TNR: variants seen among roughly 807,000 people sequenced by gnomAD.
TNR encodes the protein tenascin R.
A neutral mutation model predicts 150.4 loss-of-function variants in TNR; 45 were observed. The ratio of observed to expected loss-of-function variants is 0.30; its 90% CI spans 0.24 to 0.38. The LOEUF is 0.38. Ranked by LOEUF, TNR falls within the 10% of genes least tolerant of loss-of-function variation. TNR has a pLI of 1.00. For missense variants in TNR, 1,544 were observed against 1,759.1 expected, an observed-to-expected ratio of 0.88 and a Z score of 2.19; for synonymous variants, 687 against 678.4, an observed-to-expected ratio of 1.01 and a Z score of -0.20.
rs61240008 is a variant in TNR at position 175,674,440 on chromosome 1, C to G, written c.-165+68786G>C. 2.2e-3 allele frequency among the ~76,000 whole-genome samples: 335 copies of G among 152,320 alleles called. 3 individuals are homozygous for G. The highest frequency in any genetic ancestry group is 7.6e-3 in the African/African-American group (315 of 41,572). On this transcript the variant is annotated intron_variant, in intron 1 of 22. Coordinates refer to ENST00000367674, the MANE Select transcript of TNR (RefSeq NM_003285.3). ...ATATTTGAGCTGAAAAGCCTCCCACCAGGCTTAAGCTGTCAATCTTGCCCT... is the reference window on the plus strand; with the variant it reads ...ATATTTGAGCTGAAAAGCCTCCCACGAGGCTTAAGCTGTCAATCTTGCCCT...
chr1:175,332,039 T>C (rs1649962236), intron 20 of TNR, among the ~76,000 whole-genome samples: 1 of 152,212 alleles, frequency 6.6e-6, no homozygotes. Flanking sequence ...GATGCTGATG[T>C]TGTTCTGCTG....
chr1:175,396,989 C>T (rs970620038), intron 4 of TNR, among the ~76,000 whole-genome samples, 182 bp from the exon 5 acceptor site: 1 of 152,156 alleles, frequency 6.6e-6, no homozygotes, highest in Non-Finnish European at 1.5e-5. Context: ...GTGCTTAGTA[C>T]CCCAATCTCT....
intron 1 of TNR, among the ~76,000 whole-genome samples, chr1:175,706,791 G>T (rs1445357194): frequency 6.6e-6 from 1 of 152,004 alleles, no homozygotes; most frequent in East Asian, 1.9e-4. Context: ...AATAAGCCAA[G>T]AGGAGAGATA....
rs749598914 is a variant in TNR at position 175,406,700 on chromosome 1, C to T, written c.15G>A (p.Gly5=). The change falls in exon 3 of 23, where the codon GGG becomes GGA. Residue 5 remains glycine (G), a synonymous_variant. Coordinates refer to ENST00000367674, the MANE Select transcript of TNR (RefSeq NM_003285.3). Reference sequence around the variant, plus strand: ...GCATGTTCTTCAGAACCACTGTTTCCCCATCTGCCCCCATCCTCTCAGCCA... The same window carrying T: ...GCATGTTCTTCAGAACCACTGTTTCTCCATCTGCCCCCATCCTCTCAGCCA... The part of the protein sequence containing the change: MGAD[G]ETVVLKNMLI... The T allele has an allele frequency of 6.2e-7, 1 of 1,613,732 alleles. No individual in the cohort carries two copies. Among genetic ancestry groups the T allele is most frequent in the East Asian group, 2.2e-5 (1 of 44,884 alleles).
At chr1:175,394,522 C>A (rs1387701941) in intron 5 of TNR, among the ~76,000 whole-genome samples, 2 of 152,178 alleles carry the variant, frequency 1.3e-5, no homozygotes, top group Non-Finnish European at 2.9e-5. Context: ...TCCCACCACC[C>A]CTTCTCCCCC....
chr1:175,734,162 A>C (rs547860001), intron 1 of TNR, among the ~76,000 whole-genome samples: 9 of 152,278 alleles, frequency 5.9e-5, no homozygotes, highest in African/African-American at 2.2e-4. Context: ...ATGTATGTCA[A>C]CATATATTGA....
At chr1:175,555,230 A>G (rs952403473) in intron 1 of TNR, among the ~76,000 whole-genome samples, 4 of 152,116 alleles carry the variant, frequency 2.6e-5, no homozygotes, top group Non-Finnish European at 4.4e-5. Flanking sequence ...CACCCCCTAT[A>G]GATACATACA....
At chr1:175,397,264 T>A (rs1299469163) in intron 4 of TNR, among the ~76,000 whole-genome samples, 1 of 152,248 alleles carries the variant, frequency 6.6e-6, no homozygotes, top group African/African-American at 2.4e-5. Flanking sequence ...AAATATTCTA[T>A]GATTGTACTC....
rs1222482686 is a variant in TNR at position 175,317,297 on chromosome 1, G to C, written c.*6060C>G. 6.6e-6 allele frequency: 1 copy of C among 152,204 alleles called. No homozygotes were observed. Among genetic ancestry groups the C allele is most frequent in the Non-Finnish European group, 1.5e-5 (1 of 68,038 alleles). 9.4% of individuals were successfully genotyped at this position (152,204 alleles called of 1,614,324 possible). On this transcript the variant is annotated 3_prime_UTR_variant, in exon 23 of 23. Transcript: ENST00000367674. The stretch of plus-strand genomic sequence containing the variant: ...TGTTACTAATTGCCTGTGTGAATGT[G>C]AGCAAATTGCCTAAACTTTCTTGCC...
intron 1 of TNR, among the ~76,000 whole-genome samples, chr1:175,567,535 AG>A (rs1227679671): frequency 6.6e-6 from 1 of 152,188 alleles, no homozygotes; most frequent in Non-Finnish European, 1.5e-5. Flanking sequence ...TGATGGTTGA[AG>A]CATCTGCGGG....
At chr1:175,732,377 G>C (rs1177910777) in intron 1 of TNR, among the ~76,000 whole-genome samples, 1 of 152,204 alleles carries the variant, frequency 6.6e-6, no homozygotes, top group Non-Finnish European at 1.5e-5. Context: ...GATGAGAATT[G>C]ACACTACCTT....
chr1:175,331,087 TTCTTTCTTTCTTTCTC>T (rs60509940), intron 20 of TNR, among the ~76,000 whole-genome samples: 4 of 113,412 alleles, frequency 3.5e-5, no homozygotes, highest in Non-Finnish European at 5.7e-5. Flanking sequence ...CCTTCTTTCT[TTCTTTCTTTCTTTCTC>T]TCTCTCTTTC....
chr1:175,386,010 C>G, intron 8 of TNR, 22 bp downstream of exon 8: 1 of 1,541,076 alleles, frequency 6.5e-7, no homozygotes, highest in Non-Finnish European at 8.8e-7. Context: ...CCTTGTGCGT[C>G]TCTCCCCCAC....
intron 4 of TNR, among the ~76,000 whole-genome samples, chr1:175,401,687 G>A (rs1000451991): frequency 5.3e-5 from 8 of 152,048 alleles, no homozygotes; most frequent in African/African-American, 1.7e-4. Flanking sequence ...TTACATGTGC[G>A]GGAACATTGC....
At chr1:175,358,920 T>A (rs1371633764) in intron 15 of TNR, among the ~76,000 whole-genome samples, 1 of 152,174 alleles carries the variant, frequency 6.6e-6, no homozygotes, top group Non-Finnish European at 1.5e-5. Flanking sequence ...TGGTCCTATA[T>A]CTTCAGTGTT....
chr1:175,543,517 CCTGACCA>C (rs1359291520), intron 1 of TNR, among the ~76,000 whole-genome samples: 4 of 152,234 alleles, frequency 2.6e-5, no homozygotes, highest in African/African-American at 9.6e-5. Flanking sequence ...AGTAGAAAAA[CCTGACCA>C]CTGAGCTAAT....
At chr1:175,660,955 A>T (rs540522747) in intron 1 of TNR, among the ~76,000 whole-genome samples, 86 of 152,292 alleles carry the variant, frequency 5.6e-4, no homozygotes, top group African/African-American at 1.9e-3. Context: ...GAATGGCATT[A>T]ATGTCTGGCA....
intron 1 of TNR, among the ~76,000 whole-genome samples, chr1:175,609,848 G>A (rs1663536227): frequency 6.6e-6 from 1 of 152,154 alleles, no homozygotes; most frequent in Admixed American, 6.5e-5. Context: ...CAGAGATGAA[G>A]CAAAAGAAAT....
At chr1:175,609,740 T>C (rs1256701451) in intron 1 of TNR, among the ~76,000 whole-genome samples, 1 of 152,196 alleles carries the variant, frequency 6.6e-6, no homozygotes, top group Non-Finnish European at 1.5e-5. Flanking sequence ...AAGAAGTAAT[T>C]GTCATACAAC....
Sources: allele counts gnomAD v4.1 joint callset (sites outside exome capture counted in the v4.1 genomes callset), GRCh38; gene constraint gnomAD v4.1.1; transcripts MANE v1.5; gene names NCBI Gene and HGNC (gene_info 2026-07-23, HGNC 2026-07-21).